Variants in NEK1 observed in about 807,000 individuals in gnomAD.
The protein encoded by NEK1 is NIMA related kinase 1, also known as serine/threonine-protein kinase Nek1.
A neutral mutation model predicts 182.1 loss-of-function variants in NEK1; 137 were observed. The ratio of observed to expected loss-of-function variants is 0.75; its 90% CI spans 0.65 to 0.87. The LOEUF (loss-of-function observed/expected upper bound fraction) is 0.87, where lower values mean the gene tolerates loss of function less well. NEK1 is among the 40% of genes least tolerant of loss of function. The pLI, the probability that NEK1 is intolerant of heterozygous loss-of-function variation, is 0.00. For missense variants in NEK1, 1,391 were observed against 1,494.4 expected (o/e 0.93, Z 1.14); for synonymous variants, 513 against 492.2 (o/e 1.04, Z -0.56).
intron 5 of NEK1, among the ~76,000 whole-genome samples, chr4:169,592,903 A>G (rs796952121): frequency 3.3e-5 from 5 of 152,300 alleles, no homozygotes; most frequent in African/African-American, 1.2e-4. Flanking sequence ...AGATATATAC[A>G]ATAAGACAGC....
In NEK1 at chr4:169,445,312, T is replaced by C. The variant is rs368798348; in HGVS notation, c.2588-7053A>G. On this transcript the variant is annotated intron_variant, in intron 27 of 35. Coordinates refer to ENST00000507142, the MANE Select transcript of NEK1 (RefSeq NM_001199397.3). Reference sequence around the variant, plus strand: ...TCATGGTGGCTGCCTGTAGTACTAGTTCCTCAGGAGGCTAAGGTGAGAGGA... The same window carrying C: ...TCATGGTGGCTGCCTGTAGTACTAGCTCCTCAGGAGGCTAAGGTGAGAGGA... 8.5e-5 allele frequency among the ~76,000 whole-genome samples: 13 copies of C among 152,088 alleles called. 1 individual carries two copies. The highest frequency in any genetic ancestry group is 2.9e-4 in the African/African-American group (12 of 41,498).
intron 19 of NEK1, among the ~76,000 whole-genome samples, chr4:169,509,212 CAT>C (rs1753803060): frequency 6.6e-6 from 1 of 152,098 alleles, no homozygotes; most frequent in Non-Finnish European, 1.5e-5. Context: ...TCCATTTCGA[CAT>C]ATGTCTATAT....
chr4:169,611,086 A>G (rs1357359400), intron 2 of NEK1, among the ~76,000 whole-genome samples: 2 of 152,074 alleles, frequency 1.3e-5, no homozygotes, highest in Non-Finnish European at 2.9e-5. Context: ...CCAACAGGTA[A>G]ATAAAGAATG....
intron 12 of NEK1, among the ~76,000 whole-genome samples, chr4:169,569,174 T>G (rs13327988): frequency 0.089 from 13,556 of 152,202 alleles, 791 homozygotes; most frequent in African/African-American, 0.16. Flanking sequence ...TTTAATAAAG[T>G]CTCTATTTCA....
chr4:169,581,361 A>G (rs1345970867), intron 10 of NEK1, among the ~76,000 whole-genome samples: 1 of 151,964 alleles, frequency 6.6e-6, no homozygotes, highest in Non-Finnish European at 1.5e-5. Flanking sequence ...TTGACCTCCT[A>G]GGCTCAAGCA....
intron 10 of NEK1, among the ~76,000 whole-genome samples, chr4:169,583,541 A>G (rs534200561): frequency 6.6e-6 from 1 of 152,182 alleles, no homozygotes; most frequent in African/African-American, 2.4e-5. Flanking sequence ...TTCTTTTCAT[A>G]TTATAAGTTT....
chr4:169,431,863 G>A (rs1023017069), intron 29 of NEK1, among the ~76,000 whole-genome samples: 7 of 151,620 alleles, frequency 4.6e-5, no homozygotes, highest in Non-Finnish European at 8.8e-5. Context: ...AACTATCAAA[G>A]CTCAGATAAA....
At chr4:169,592,492 C>T (rs1159223397) in intron 5 of NEK1, among the ~76,000 whole-genome samples, 2 of 151,980 alleles carry the variant, frequency 1.3e-5, no homozygotes, top group Admixed American at 6.6e-5. Flanking sequence ...AAAAAATATG[C>T]TTATATTCCA....
chr4:169,539,019 A>C (rs1242580728), intron 18 of NEK1, among the ~76,000 whole-genome samples: 3 of 152,324 alleles, frequency 2.0e-5, no homozygotes, highest in African/African-American at 7.2e-5. Context: ...TACCTCATGT[A>C]GTACTTAAAA....
chr4:169,450,850 G>C (rs1463701042), intron 27 of NEK1, among the ~76,000 whole-genome samples: 1 of 151,932 alleles, frequency 6.6e-6, no homozygotes, highest in East Asian at 1.9e-4. Context: ...CCAATTAAAA[G>C]ACACAGACTG....
At chr4:169,555,530 C>T in intron 18 of NEK1, 190 bp downstream of exon 18, 1 of 546,948 alleles carries the variant, frequency 1.8e-6, no homozygotes, top group East Asian at 3.2e-5. Context: ...TCAGGCTGAA[C>T]TGGAAAGCTA....
chr4:169,568,929 C>T (rs1035993789), intron 12 of NEK1, among the ~76,000 whole-genome samples: 2 of 137,844 alleles, frequency 1.5e-5, no homozygotes, highest in African/African-American at 3.0e-5. Context: ...AAGAGCAAAA[C>T]TCCATTTCAA....
chr4:169,445,706 A>C (rs532361957), intron 27 of NEK1, among the ~76,000 whole-genome samples: 95 of 152,030 alleles, frequency 6.2e-4, no homozygotes, highest in African/African-American at 2.1e-3. Context: ...GAAGGCAAAA[A>C]AAAACAAAAC....
At chr4:169,440,807 T>C (rs144102391) in intron 27 of NEK1, among the ~76,000 whole-genome samples, 72 of 152,236 alleles carry the variant, frequency 4.7e-4, no homozygotes, top group African/African-American at 1.7e-3. Context: ...CTGAGACTAG[T>C]AGAGGAAGCT....
chr4:169,456,292 A>T (rs564731422), intron 27 of NEK1, among the ~76,000 whole-genome samples: 1 of 152,296 alleles, frequency 6.6e-6, no homozygotes, highest in East Asian at 1.9e-4. Context: ...CAATCTAATG[A>T]TCCATCTTAA....
At chr4:169,595,764 A>T (rs1364248604) in intron 5 of NEK1, among the ~76,000 whole-genome samples, 1 of 151,950 alleles carries the variant, frequency 6.6e-6, no homozygotes, top group African/African-American at 2.4e-5. Flanking sequence ...TCTACTAAAA[A>T]TCCAAAAAAA....
At chr4:169,571,609 G>A (rs1764862972) in intron 12 of NEK1, among the ~76,000 whole-genome samples, 1 of 152,174 alleles carries the variant, frequency 6.6e-6, no homozygotes, top group African/African-American at 2.4e-5. Flanking sequence ...TAAGTACTTG[G>A]CATGTTTAAG....
At chr4:169,445,084 A>G (rs1479053197) in intron 27 of NEK1, among the ~76,000 whole-genome samples, 1 of 152,012 alleles carries the variant, frequency 6.6e-6, no homozygotes, top group Non-Finnish European at 1.5e-5. Context: ...ACCAAAATCT[A>G]TGGGAAACAG....
intron 21 of NEK1, 39 bp from the exon 22 acceptor site, chr4:169,507,831 A>C (rs529254481): frequency 1.4e-6 from 2 of 1,441,398 alleles, no homozygotes; most frequent in Non-Finnish European, 2.0e-6. Flanking sequence ...TTAGGATAGA[A>C]TCATCAAATT....
Sources: allele counts gnomAD v4.1 joint callset (sites outside exome capture counted in the v4.1 genomes callset), GRCh38; gene constraint gnomAD v4.1.1; transcripts MANE v1.5; gene names NCBI Gene and HGNC (gene_info 2026-07-23, HGNC 2026-07-21).